The following VTI1A variants were observed in gnomAD, a reference collection of about 807,000 sequenced individuals.
The protein encoded by VTI1A is vesicle transport through interaction with t-SNAREs homolog 1A.
VTI1A carries 22 observed loss-of-function variants against 34.9 expected under a neutral mutation model. The observed-to-expected ratio is 0.63, with a 90% confidence interval of 0.45 to 0.90. The LOEUF (loss-of-function observed/expected upper bound fraction) is 0.90. VTI1A is among the 40% of genes least tolerant of loss of function. The probability of loss-of-function intolerance (pLI) is 0.00; values close to 1 mark genes in which losing one functional copy is unlikely to be tolerated. For missense variants in VTI1A, 268 were observed against 275.6 expected (o/e 0.97, Z 0.20); for synonymous variants, 87 against 97.3 (o/e 0.89, Z 0.62).
chr10:112,584,954 G>C (rs1844088231), intron 5 of VTI1A, among the ~76,000 whole-genome samples: 1 of 152,250 alleles, frequency 6.6e-6, no homozygotes, highest in Admixed American at 6.5e-5. Flanking sequence ...ACAGGCTTTT[G>C]AAAACAGAAT....
At chr10:112,495,196 CT>C (rs751870581) in intron 3 of VTI1A, among the ~76,000 whole-genome samples, 8,757 of 79,156 alleles carry the variant, frequency 0.11, 206 homozygotes, top group East Asian at 0.25. Flanking sequence ...CAGTAATGGT[CT>C]TTTTTTTTTT....
the VTI1A span, among the ~76,000 whole-genome samples, chr10:112,850,600 C>T: frequency 9.9e-5 from 15 of 152,122 alleles, no homozygotes. Flanking sequence ...CTGCAGAGCA[C>T]CTTCTGTTCC....
At chr10:112,804,663 G>A (rs548676900) in intron 7 of VTI1A, among the ~76,000 whole-genome samples, 8 of 152,090 alleles carry the variant, frequency 5.3e-5, no homozygotes, top group African/African-American at 1.2e-4. Flanking sequence ...GGCCTTTGTC[G>A]TGAGGCTTCT....
chr10:112,506,721 C>T (rs938650658), intron 3 of VTI1A, among the ~76,000 whole-genome samples: 8 of 152,144 alleles, frequency 5.3e-5, no homozygotes, highest in African/African-American at 1.9e-4. Flanking sequence ...TCTTGCAAAT[C>T]TCATTTCCAT....
the VTI1A span, among the ~76,000 whole-genome samples, chr10:112,835,844 G>A: frequency 6.6e-6 from 1 of 152,178 alleles, no homozygotes; most frequent in African/African-American, 2.4e-5. Flanking sequence ...GGTAGGGGGG[G>A]CAGTAATGTA....
chr10:112,700,117 CAA>C (rs1201699870), intron 7 of VTI1A, among the ~76,000 whole-genome samples: 5 of 40,436 alleles, frequency 1.2e-4, no homozygotes, highest in Non-Finnish European at 1.2e-4. Flanking sequence ...GACTCCATCT[CAA>C]AAAAAAAAAA....
At chr10:112,669,696 A>G (rs1847779316) in intron 7 of VTI1A, among the ~76,000 whole-genome samples, 1 of 152,174 alleles carries the variant, frequency 6.6e-6, no homozygotes, top group Non-Finnish European at 1.5e-5. Flanking sequence ...GGAACTGTGG[A>G]TAGAAAAGTG....
At position 112,596,234 on chromosome 10, in the gene VTI1A, G is replaced by A. The variant is rs557087723; in HGVS notation, c.427+57904G>A. ...GCTAAATGATGGGTTACTGGGTGCC[G>A]CACACCAGCATGGCACATGTATACA... On this transcript the variant is annotated intron_variant, in intron 5 of 7. Transcript: ENST00000393077. 3.9e-4 allele frequency among the ~76,000 whole-genome samples: 59 copies of A among 152,014 alleles called. No individual in the cohort carries two copies. The South Asian group carries it at 5.8e-3, about 15-fold the overall frequency.
chr10:112,616,999 T>C (rs1845536439), intron 5 of VTI1A, among the ~76,000 whole-genome samples: 1 of 152,010 alleles, frequency 6.6e-6, no homozygotes, highest in African/African-American at 2.4e-5. Flanking sequence ...AGATAATATC[T>C]GAGAATTTTC....
At chr10:112,517,130 G>T (rs1849809334) in intron 3 of VTI1A, among the ~76,000 whole-genome samples, 1 of 151,984 alleles carries the variant, frequency 6.6e-6, no homozygotes, top group Non-Finnish European at 1.5e-5. Flanking sequence ...AAGTTACAAT[G>T]AAGGAGACTA....
At chr10:112,705,521 C>T (rs141418549) in intron 7 of VTI1A, among the ~76,000 whole-genome samples, 1 of 152,134 alleles carries the variant, frequency 6.6e-6, no homozygotes, top group Non-Finnish European at 1.5e-5. Flanking sequence ...CCCCTACCCC[C>T]GACACACACA....
chr10:112,764,928 A>G (rs1851596076), intron 7 of VTI1A, among the ~76,000 whole-genome samples: 3 of 152,214 alleles, frequency 2.0e-5, no homozygotes. Context: ...AGAGTTAATG[A>G]CTAAGGGTGG....
At chr10:112,473,413 AT>A (rs1336682808) in intron 3 of VTI1A, among the ~76,000 whole-genome samples, 3 of 150,674 alleles carry the variant, frequency 2.0e-5, no homozygotes, top group Non-Finnish European at 3.0e-5. Context: ...CCCGTCCCAC[AT>A]TTTTTTTTAA....
At chr10:112,806,446 C>T (rs1286497258) in intron 7 of VTI1A, among the ~76,000 whole-genome samples, 8 of 151,644 alleles carry the variant, frequency 5.3e-5, no homozygotes, top group East Asian at 2.0e-4. Flanking sequence ...CCACCACACC[C>T]GGCTAATTTT....
At chr10:112,447,602 A>G in intron 1 of VTI1A, 135 bp downstream of exon 1, 1 of 1,036,462 alleles carries the variant, frequency 9.6e-7, no homozygotes, top group Non-Finnish European at 1.4e-6. Flanking sequence ...CAGGAGGGAT[A>G]CGGCTTGGCT....
rs552860790 is a variant in VTI1A at position 112,594,491 on chromosome 10, A to C, written c.427+56161A>C. On this transcript the variant is annotated intron_variant, in intron 5 of 7. Transcript: ENST00000393077. ...TCAGGATACAAAATCAATGTACAAA[A>C]ATCACAAGCATTCTTATACACCAAT... 5.3e-5 allele frequency among the ~76,000 whole-genome samples: 8 copies of C among 152,086 alleles called. No homozygotes were observed. In the East Asian group the frequency reaches 1.5e-3, roughly 29 times the overall value.
intron 7 of VTI1A, among the ~76,000 whole-genome samples, chr10:112,779,850 C>T (rs1459574489): frequency 6.6e-6 from 1 of 152,170 alleles, no homozygotes; most frequent in Non-Finnish European, 1.5e-5. Flanking sequence ...TAGAAGCTCT[C>T]ATGCTCTTTA....
chr10:112,504,574 CT>C (rs1281691225), intron 3 of VTI1A, among the ~76,000 whole-genome samples: 1 of 151,958 alleles, frequency 6.6e-6, no homozygotes, highest in Non-Finnish European at 1.5e-5. Context: ...TGTGAATTAG[CT>C]TTTGCTATTG....
intron 7 of VTI1A, among the ~76,000 whole-genome samples, chr10:112,791,677 TA>T (rs1279311883): frequency 6.6e-6 from 1 of 152,172 alleles, no homozygotes; most frequent in East Asian, 1.9e-4. Flanking sequence ...TTGCTTGTTT[TA>T]TACATTTCCA....
Sources: gnomAD v4.1 joint callset for allele counts (sites outside exome capture counted in the v4.1 genomes callset) on GRCh38, gnomAD v4.1.1 for gene constraint, MANE v1.5 for transcripts, NCBI Gene and HGNC (gene_info 2026-07-23, HGNC 2026-07-21) for gene names.